ESR1: variants seen among roughly 807,000 people sequenced by gnomAD.
ESR1 encodes the protein estrogen receptor 1, also known as estrogen receptor.
A neutral mutation model predicts 52.7 loss-of-function variants in ESR1; 12 were observed. The ratio of observed to expected loss-of-function variants is 0.23; its 90% CI spans 0.15 to 0.37. The LOEUF (loss-of-function observed/expected upper bound fraction) is 0.37, where lower values mean the gene tolerates loss of function less well. Among genes scored for constraint, ESR1 ranks in the 10% least tolerant of loss-of-function variants. The probability of loss-of-function intolerance (pLI) is 1.00; values close to 1 mark genes in which losing one functional copy is unlikely to be tolerated. For synonymous variants in ESR1, 305 were observed against 316.8 expected (o/e 0.96, Z 0.39); for missense variants, 584 against 779.7 (o/e 0.75, Z 2.99).
In ESR1 at chr6:151,828,703, A is replaced by G. The variant is rs74421373; in HGVS notation, c.453-13894A>G. Among the ~76,000 whole-genome samples the G allele has an allele frequency of 5.1e-3, 783 of 152,344 alleles. 20 individuals carry two copies. The East Asian group carries it at 0.053, about 10-fold the overall frequency. On this transcript the variant is annotated intron_variant, in intron 1 of 7. Transcript: ENST00000206249. ...CAGACTCCAAAACTCTAAACAAGTCATAGAATTGCTGCCTTGGTAGGGCAT... is the reference window on the plus strand; with the variant it reads ...CAGACTCCAAAACTCTAAACAAGTCGTAGAATTGCTGCCTTGGTAGGGCAT...
chr6:152,109,892 A>G (rs2051111663), intron 6 of ESR1, among the ~76,000 whole-genome samples: 1 of 152,240 alleles, frequency 6.6e-6, no homozygotes, highest in Non-Finnish European at 1.5e-5. Flanking sequence ...ATCCATAACC[A>G]TGAAGCTACA....
At position 152,122,664 on chromosome 6, in the gene ESR1, A is replaced by C. The variant is rs184861124; in HGVS notation, c.851-2602A>C. The C allele has an allele frequency of 1.4e-5, 22 of 1,613,932 alleles. No homozygotes were observed. In the East Asian group the frequency reaches 4.0e-4, roughly 29 times the overall value. ...GCTCAGAAAGGGAGGAATCGGAGCC[A>C]CCTTTTGTGGACCTGAGAGAAGAAT... On this transcript the variant is annotated intron_variant, in intron 6 of 6. Coordinates refer to the ESR1 transcript ENST00000427531.
chr6:151,740,866 T>G (rs1444624735), intron 2 of ESR1, among the ~76,000 whole-genome samples: 2 of 152,330 alleles, frequency 1.3e-5, no homozygotes, highest in South Asian at 4.1e-4. Context: ...TTGGGACTGA[T>G]GTTCTGTTCT....
At position 151,921,292 on chromosome 6, in the gene ESR1, C is replaced by T. The variant is rs973649171; in HGVS notation, c.761-22881C>T. On this transcript the variant is annotated intron_variant, in intron 3 of 7. Coordinates refer to ENST00000206249, the MANE Select transcript of ESR1 (RefSeq NM_000125.4). ...TTCCTTTTTATGGCTGCATAGTATT[C>T]CATGGGGTTTATGTACCACATTTTC... Among the ~76,000 whole-genome samples the T allele has an allele frequency of 8.5e-5, 13 of 152,280 alleles. No homozygotes were observed. The East Asian group carries it at 2.5e-3, about 29-fold the overall frequency.
intron 4 of ESR1, among the ~76,000 whole-genome samples, chr6:151,964,864 G>A (rs13214523): frequency 0.026 from 3,892 of 152,094 alleles, 63 homozygotes; most frequent in Non-Finnish European, 0.043. Flanking sequence ...GGATGGTCTC[G>A]ATCTCCTGAC....
chr6:151,853,097 G>C (rs2431261), intron 2 of ESR1, among the ~76,000 whole-genome samples: 39,994 of 142,626 alleles, frequency 0.28, 6,447 homozygotes, highest in Middle Eastern at 0.4. Flanking sequence ...GCTTGAACTC[G>C]AGAGGTGGAG....
At chr6:151,979,148 C>G (rs184000605) in intron 4 of ESR1, among the ~76,000 whole-genome samples, 199 of 152,224 alleles carry the variant, frequency 1.3e-3, no homozygotes, top group African/African-American at 4.4e-3. Flanking sequence ...TAGGGTCCAC[C>G]TAATGACCTC....
At chr6:151,947,938 T>A (rs116834454) in intron 4 of ESR1, among the ~76,000 whole-genome samples, 2,858 of 152,292 alleles carry the variant, frequency 0.019, 82 homozygotes, top group African/African-American at 0.064. Context: ...TTCTCCTTAT[T>A]GTTTGCTCTG....
At chr6:152,108,527 C>G (rs952749494) in intron 6 of ESR1, among the ~76,000 whole-genome samples, 7 of 152,222 alleles carry the variant, frequency 4.6e-5, no homozygotes, top group Non-Finnish European at 8.8e-5. Context: ...TACTCTCTCT[C>G]AGCCATAGCT....
chr6:151,686,773 A>C (rs927253690), upstream of ESR1, among the ~76,000 whole-genome samples: 4 of 151,912 alleles, frequency 2.6e-5, no homozygotes, highest in African/African-American at 7.3e-5. Flanking sequence ...GTAGCTAAAC[A>C]CTCTTAGGTT....
At chr6:152,103,534 G>A (rs371539832), downstream of ESR1, among the ~76,000 whole-genome samples, 8 of 152,184 alleles carry the variant, frequency 5.3e-5, no homozygotes, top group East Asian at 1.9e-4. Context: ...TCAGAGTTTC[G>A]GCTTCCTTAT....
intron 1 of ESR1, among the ~76,000 whole-genome samples, chr6:151,668,459 T>A (rs1407746012): frequency 6.6e-6 from 1 of 151,934 alleles, no homozygotes. Context: ...ATTTTTTGTA[T>A]TTTTTAGTAG....
intron 2 of ESR1, among the ~76,000 whole-genome samples, chr6:151,708,996 A>G (rs1232809079): frequency 3.9e-5 from 6 of 152,126 alleles, no homozygotes; most frequent in Admixed American, 6.5e-5. Flanking sequence ...ACCTCTCAGC[A>G]TTTTTCAAGA....
At chr6:152,124,039 G>A (rs763526146) in intron 6 of ESR1, among the ~76,000 whole-genome samples, 2 of 152,224 alleles carry the variant, frequency 1.3e-5, no homozygotes, top group African/African-American at 2.4e-5. Flanking sequence ...AAAAATGGGA[G>A]AGGGCTGGGC....
chr6:151,938,207 G>GT (rs969999140), intron 3 of ESR1, among the ~76,000 whole-genome samples: 12 of 151,942 alleles, frequency 7.9e-5, no homozygotes, highest in Admixed American at 2.6e-4. Context: ...TATTATACTA[G>GT]TTTTTTTTCT....
At position 151,785,941 on chromosome 6, in the gene ESR1, T is replaced by C. The variant is rs532898629; in HGVS notation, c.-70-21902T>C. Among the ~76,000 whole-genome samples the C allele has an allele frequency of 9.7e-4, 148 of 152,280 alleles. 2 individuals carry two copies. Among genetic ancestry groups the C allele is most frequent in the Admixed American group, 3.7e-3 (56 of 15,296 alleles). Reference sequence around the variant, plus strand: ...TCCTTTCTATTCTCAAAATTTCTTATGTGGGAGGAAAATCTTGGTGCGGTA... The same window carrying C: ...TCCTTTCTATTCTCAAAATTTCTTACGTGGGAGGAAAATCTTGGTGCGGTA... On this transcript the variant is annotated intron_variant, in intron 2 of 2. Coordinates refer to the ESR1 transcript ENST00000404742.
intron 5 of ESR1, among the ~76,000 whole-genome samples, chr6:152,022,174 G>A (rs1234664064): frequency 5.3e-5 from 8 of 152,154 alleles, no homozygotes; most frequent in Non-Finnish European, 1.2e-4. Context: ...CCTGTGGATT[G>A]AGCCACCTTA....
chr6:151,684,195 G>GCCA (rs1778568162), intron 1 of ESR1, among the ~76,000 whole-genome samples: 1 of 152,044 alleles, frequency 6.6e-6, no homozygotes, highest in African/African-American at 2.4e-5. Flanking sequence ...CATCAGGAAG[G>GCCA]TCTCCATGGA....
intron 4 of ESR1, among the ~76,000 whole-genome samples, chr6:151,984,889 C>T (rs2040311991): frequency 6.6e-6 from 1 of 152,042 alleles, no homozygotes; most frequent in Non-Finnish European, 1.5e-5. Flanking sequence ...GAGGAAACAG[C>T]ACTGATCCTG....
Sources: allele counts gnomAD v4.1 joint callset (sites outside exome capture counted in the v4.1 genomes callset), GRCh38; gene constraint gnomAD v4.1.1; transcripts MANE v1.5; gene names NCBI Gene and HGNC (gene_info 2026-07-23, HGNC 2026-07-21).